WNK1: variants seen among roughly 807,000 people sequenced by gnomAD.
WNK1 encodes WNK lysine deficient protein kinase 1.
WNK1 carries 38 observed loss-of-function variants against 222.8 expected under a neutral mutation model. The observed-to-expected ratio is 0.17, with a 90% CI of 0.13 to 0.22. WNK1 has a LOEUF of 0.22. Ranked by LOEUF, WNK1 falls within the 10% of genes least tolerant of loss-of-function variation. The pLI, the probability that WNK1 is intolerant of heterozygous loss-of-function variation, is 1.00. For synonymous variants in WNK1, 1,090 were observed against 1,092.9 expected, an observed-to-expected ratio of 1.00 and a Z score of 0.05; for missense variants, 2,348 against 2,918.4, an observed-to-expected ratio of 0.80 and a Z score of 4.50.
At chr12:829,072 TTTGA>T (rs1420806134) in intron 3 of WNK1, among the ~76,000 whole-genome samples, 1 of 152,242 alleles carries the variant, frequency 6.6e-6, no homozygotes, top group African/African-American at 2.4e-5. Context: ...GAAACATTTC[TTTGA>T]TTGTCTTTGG....
intron 26 of WNK1, among the ~76,000 whole-genome samples, chr12:904,271 G>T (rs1350727190): frequency 6.6e-6 from 1 of 152,218 alleles, no homozygotes; most frequent in Non-Finnish European, 1.5e-5. Flanking sequence ...ATCATGTTAA[G>T]GCTAACAGCC....
chr12:765,585 T>C (rs1941593129), intron 1 of WNK1, among the ~76,000 whole-genome samples: 1 of 151,530 alleles, frequency 6.6e-6, no homozygotes, highest in South Asian at 2.1e-4. Context: ...AGAAAATTCT[T>C]TTGGAATGTG....
chr12:887,649 ATTAACT>A (rs913800771), intron 20 of WNK1, among the ~76,000 whole-genome samples: 1 of 152,194 alleles, frequency 6.6e-6, no homozygotes, highest in Admixed American at 6.5e-5. Flanking sequence ...TATAATCAAA[ATTAACT>A]TTGAGAGTGC....
chr12:890,414 G>A lies in WNK1; in HGVS notation c.5449-39G>A, dbSNP rs544396870. On this transcript the variant is annotated intron_variant, in intron 21 of 27. Transcript: ENST00000315939. ...CGAGGCAAAAGTTTGAGTGACTGAA[G>A]CTAAAGATTTGTGGTGTCTGTCTGT... 20 of 1,613,794 alleles carry A rather than the reference G, an allele frequency of 1.2e-5. No homozygotes were observed. The South Asian group carries it at 2.1e-4, about 17-fold the overall frequency.
intron 4 of WNK1, among the ~76,000 whole-genome samples, chr12:847,329 A>G (rs1038913924): frequency 2.0e-5 from 3 of 152,230 alleles, no homozygotes; most frequent in African/African-American, 7.2e-5. Flanking sequence ...TAAAGGATTC[A>G]TATAGATACT....
chr12:754,654 TCTG>T (rs1939707404), intron 1 of WNK1, among the ~76,000 whole-genome samples: 1 of 152,186 alleles, frequency 6.6e-6, no homozygotes, highest in Non-Finnish European at 1.5e-5. Flanking sequence ...TGCTTCTTCT[TCTG>T]TGCATTTCAA....
At chr12:865,435 A>G in intron 8 of WNK1, 1 of 1,477,660 alleles carries the variant, frequency 6.8e-7, no homozygotes, top group Non-Finnish European at 9.0e-7. Context: ...CAAGAATTTT[A>G]ATTAAAATTG....
intron 2 of WNK1, among the ~76,000 whole-genome samples, chr12:814,738 G>C (rs1237915554): frequency 6.6e-6 from 1 of 152,132 alleles, no homozygotes; most frequent in Non-Finnish European, 1.5e-5. Context: ...CCATGAACTG[G>C]TGCGGGGGTG....
At chr12:801,622 G>C (rs1301049127) in intron 1 of WNK1, among the ~76,000 whole-genome samples, 1 of 151,028 alleles carries the variant, frequency 6.6e-6, no homozygotes, top group Non-Finnish European at 1.5e-5. Context: ...TGCCCAGGCT[G>C]GTCTTGATCT....
chr12:879,847 C>T lies in WNK1; in HGVS notation c.2648C>T (p.Ala883Val), dbSNP rs899384881. 1 of 1,614,180 alleles carries T rather than the reference C, an allele frequency of 6.2e-7. No individual in the cohort carries two copies. The highest frequency in any genetic ancestry group is 8.5e-7 in the Non-Finnish European group (1 of 1,180,042). Reference protein sequence around the residue: ...LLTLASSATTAAIPGVSTVVP... With the variant: ...LLTLASSATTVAIPGVSTVVP... ...ACGTTGGCTTCATCTGCTACAACAG[C>T]TGCGATCCCGGGGGTATCAACTGTG... The change falls in exon 11 of 28, where the codon GCT becomes GTT. Residue 883 changes from alanine to valine, a missense_variant. Ala to Val is a moderately conservative substitution (Grantham distance 64). This residue lies in a region of WNK1 where 547 missense variants were observed against 558.3 expected (regional missense o/e 0.98). Transcript: ENST00000315939.
At position 887,530 on chromosome 12, in the gene WNK1, AT is replaced by A. The variant is rs963060376; in HGVS notation, c.5364+236del. Among the ~76,000 whole-genome samples, 486 of 150,792 alleles carry A rather than the reference AT, an allele frequency of 3.2e-3. 6 individuals carry two copies. Among genetic ancestry groups the A allele is most frequent in the Non-Finnish European group, 1.2e-3 (81 of 67,566 alleles). On this transcript the variant is annotated intron_variant, in intron 20 of 27. Coordinates refer to ENST00000315939, the MANE Select transcript of WNK1 (RefSeq NM_018979.4). Reference sequence around the variant, plus strand: ...GGTTATCCAAAAACACTTGATACTAATTTTTTTTTTATATCTTATGAAGGAA... The same window carrying A: ...GGTTATCCAAAAACACTTGATACTAATTTTTTTTTATATCTTATGAAGGAA...
At chr12:829,910 T>G in intron 3 of WNK1, 93 bp from the exon 4 acceptor site, 1 of 1,372,250 alleles carries the variant, frequency 7.3e-7, no homozygotes. Context: ...CAATTTCTTC[T>G]CTCTCACAGG....
intron 1 of WNK1, among the ~76,000 whole-genome samples, chr12:756,968 A>G (rs2121259914): frequency 6.6e-6 from 1 of 152,334 alleles, no homozygotes; most frequent in Admixed American, 6.5e-5. Context: ...GCAGGTAAAT[A>G]ACTTGATTAG....
In WNK1 at chr12:859,260, C is replaced by T; in HGVS notation, c.1416C>T (p.Asp472=). Residue 472 remains aspartate, a synonymous_variant, in exon 6 of 28, where the codon GAC becomes GAT. Coordinates refer to ENST00000315939, the MANE Select transcript of WNK1 (RefSeq NM_018979.4). ...QNKDERYSIK[D]LLNHAFFQEE... The stretch of plus-strand genomic sequence containing the variant: ...TGTTTGGAAGATATTCCATCAAAGA[C>T]CTTTTGAACCATGCCTTCTTCCAAG... 6.2e-7 allele frequency: 1 copy of T among 1,613,074 alleles called. No homozygotes were observed. Among genetic ancestry groups the T allele is most frequent in the African/African-American group, 1.3e-5 (1 of 74,960 alleles).
rs544186590 is a variant in WNK1 at position 758,060 on chromosome 12, A to G, written c.759+3736A>G. Among the ~76,000 whole-genome samples, 24 of 144,682 alleles carry G rather than the reference A, an allele frequency of 1.7e-4. 4 individuals carry two copies. The South Asian group carries it at 5.4e-3, about 32-fold the overall frequency. The allele number at this position is 144,682 out of a possible 152,430, so 94.9% of individuals were successfully genotyped here. Reference sequence around the variant, plus strand: ...TAAAAAAAAAAAAAAAAAAAGAAAGAAAGAAAAAGAAAACATTGATGCACA... The same window carrying G: ...TAAAAAAAAAAAAAAAAAAAGAAAGGAAGAAAAAGAAAACATTGATGCACA... On this transcript the variant is annotated intron_variant, in intron 1 of 27. Transcript: ENST00000315939.
intron 1 of WNK1, among the ~76,000 whole-genome samples, chr12:766,958 G>A (rs996286032): frequency 6.6e-6 from 1 of 151,952 alleles, no homozygotes; most frequent in Non-Finnish European, 1.5e-5. Context: ...TGTGTTTTTA[G>A]TAGAGACAGG....
rs776883075 is a variant in WNK1, at chr12:753,789, C to G, written c.224C>G (p.Thr75Ser). 1 of 1,612,672 alleles carries G rather than the reference C, an allele frequency of 6.2e-7. No individual in the cohort carries two copies. Among genetic ancestry groups the G allele is most frequent in the Non-Finnish European group, 8.5e-7 (1 of 1,179,960 alleles). Residue 75 changes from threonine to serine, a missense_variant, in exon 1 of 28, where the codon ACT (threonine) becomes AGT (serine). Physicochemically the swap from Thr to Ser is moderately conservative, Grantham distance 58. Coordinates refer to ENST00000315939, the MANE Select transcript of WNK1 (RefSeq NM_018979.4). The surrounding 1 kb of genome is among the most constrained non-coding windows in gnomAD (Gnocchi z 5.2). ...GGGGCGGCCGCGACCACTACCACCA[C>G]TGAGCACCGCTTCTTCCGCCGGAGC... ...SRGAAATTTT[T>S]EHRFFRRSVI...
intron 1 of WNK1, among the ~76,000 whole-genome samples, chr12:805,305 T>C (rs537158476): frequency 6.6e-6 from 1 of 152,244 alleles, no homozygotes; most frequent in East Asian, 1.9e-4. Context: ...CTACTGGCCC[T>C]TTTTTTGGGG....
intron 8 of WNK1, among the ~76,000 whole-genome samples, chr12:864,443 A>G (rs1348235685): frequency 6.6e-6 from 1 of 152,152 alleles, no homozygotes; most frequent in African/African-American, 2.4e-5. Flanking sequence ...GATTGAAGAT[A>G]TTCTCCCATT....
Sources: gnomAD v4.1 joint callset for allele counts (sites outside exome capture counted in the v4.1 genomes callset) on GRCh38, gnomAD v4.1.1 for gene constraint, gnomAD v4.1.1 regional missense constraint, Gnocchi (gnomAD v3.1) non-coding constraint, MANE v1.5 for transcripts, NCBI Gene and HGNC (gene_info 2026-07-23, HGNC 2026-07-21) for gene names.